Variants in CALN1 observed in about 807,000 individuals in gnomAD.
CALN1 encodes the protein calcium-binding protein 8.
Under a neutral mutation model 30.6 loss-of-function variants are expected in CALN1, and 17 were observed. The observed-to-expected ratio is 0.56, with a 90% CI of 0.38 to 0.83. The LOEUF (loss-of-function observed/expected upper bound fraction) is 0.83. CALN1 is among the 40% of genes least tolerant of loss of function. The probability of loss-of-function intolerance (pLI) is 0.00; values close to 1 mark genes in which losing one functional copy is unlikely to be tolerated. For missense variants in CALN1, 291 were observed against 354.9 expected, an observed-to-expected ratio of 0.82 and a Z score of 1.45; for synonymous variants, 156 against 131.4, an observed-to-expected ratio of 1.19 and a Z score of -1.28.
intron 4 of CALN1, among the ~76,000 whole-genome samples, chr7:72,039,058 G>C (rs992012737): frequency 2.6e-5 from 4 of 152,178 alleles, no homozygotes; most frequent in African/African-American, 9.7e-5. Flanking sequence ...CCCCTTTCCT[G>C]TAACACTATG....
In CALN1 at chr7:71,837,243, C is replaced by CAAAAAAAAA. The variant is rs55977265; in HGVS notation, c.502-26760_502-26752dup. On this transcript the variant is annotated intron_variant, in intron 5 of 6. Transcript: ENST00000395275. ...CGAAACTCCATCTCAAAAAAAAAGACAAAAAAAAAAAAAAAAAAAAAAGCC... is the reference window on the plus strand; with the variant it reads ...CGAAACTCCATCTCAAAAAAAAAGACAAAAAAAAAAAAAAAAAAAAAAAAAAAAAAAGCC... Among the ~76,000 whole-genome samples the CAAAAAAAAA allele has an allele frequency of 7.5e-4, 59 of 79,122 alleles. 1 individual carries two copies. The highest frequency in any genetic ancestry group is 1.6e-3 in the East Asian group (3 of 1,896). 51.9% of individuals were successfully genotyped at this position (79,122 alleles called of 152,430 possible).
chr7:72,430,457 G>A lies in CALN1; in HGVS notation c.-226+16585C>T, dbSNP rs186121159. Among the ~76,000 whole-genome samples, 236 of 152,072 alleles carry A rather than the reference G, an allele frequency of 1.6e-3. 1 individual carries two copies. Among genetic ancestry groups the A allele is most frequent in the African/African-American group, 4.9e-3 (202 of 41,510 alleles). ...ATTTTACAGGGAGGTTAATTACTGA[G>A]GTGGCTGTTTAGGTCACCTGCTTTA... On this transcript the variant is annotated intron_variant, in intron 1 of 6. Transcript: ENST00000395276.
chr7:71,810,900 T>C (rs951717204), intron 5 of CALN1, among the ~76,000 whole-genome samples: 1 of 151,388 alleles, frequency 6.6e-6, no homozygotes, highest in African/African-American at 2.4e-5. Flanking sequence ...ATGTATCTTT[T>C]TTTTTTTTTT....
At chr7:72,460,720 C>T in the CALN1 span, among the ~76,000 whole-genome samples, 1 of 152,110 alleles carries the variant, frequency 6.6e-6, no homozygotes, top group Non-Finnish European at 1.5e-5. Context: ...GTATACATCT[C>T]GAGTGAAGTC....
At chr7:72,311,959 A>G (rs1585444049) in intron 2 of CALN1, among the ~76,000 whole-genome samples, 2 of 152,252 alleles carry the variant, frequency 1.3e-5, no homozygotes, top group South Asian at 4.2e-4. Flanking sequence ...GGAAAACAAC[A>G]GTGGCTTCCA....
At chr7:72,045,055 C>T (rs138181780) in intron 4 of CALN1, among the ~76,000 whole-genome samples, 118 of 152,280 alleles carry the variant, frequency 7.7e-4, no homozygotes, top group East Asian at 2.5e-3. Context: ...CAACTTCTCA[C>T]GGAAGTCTCC....
chr7:72,042,958 C>G (rs1186596293), intron 4 of CALN1, among the ~76,000 whole-genome samples: 1 of 152,196 alleles, frequency 6.6e-6, no homozygotes, highest in Admixed American at 6.5e-5. Context: ...CACACCCCCA[C>G]TCTCACTCTC....
intron 3 of CALN1, among the ~76,000 whole-genome samples, chr7:72,247,292 A>G (rs1219659774): frequency 8.7e-6 from 1 of 114,724 alleles, no homozygotes; most frequent in East Asian, 3.1e-4. Context: ...TCTGTCACCC[A>G]GGCTGGAGTG....
At chr7:71,790,424 GAAGC>G (rs1554337178) in intron 6 of CALN1, among the ~76,000 whole-genome samples, 7 of 147,948 alleles carry the variant, frequency 4.7e-5, no homozygotes, top group African/African-American at 9.9e-5. Context: ...AAGAAAGAAA[GAAGC>G]AAGCAAGCAA....
At chr7:71,868,902 G>C (rs930780840) in intron 5 of CALN1, among the ~76,000 whole-genome samples, 5 of 152,210 alleles carry the variant, frequency 3.3e-5, no homozygotes, top group African/African-American at 1.2e-4. Flanking sequence ...CCTAAGAATA[G>C]AGGTTCCTGT....
At chr7:72,369,372 T>TTGTTG (rs1562927729) in intron 2 of CALN1, among the ~76,000 whole-genome samples, 2 of 141,988 alleles carry the variant, frequency 1.4e-5, no homozygotes, top group South Asian at 2.2e-4. Flanking sequence ...GTTGTTGTTG[T>TTGTTG]TTGTTTTTGA....
chr7:72,383,345 T>C (rs547709064), intron 2 of CALN1, among the ~76,000 whole-genome samples: 10 of 152,214 alleles, frequency 6.6e-5, no homozygotes, highest in Non-Finnish European at 1.5e-4. Context: ...CCAAACTGCT[T>C]TCCACAGTGG....
At chr7:71,929,126 T>C (rs1308693590) in intron 5 of CALN1, among the ~76,000 whole-genome samples, 1 of 152,204 alleles carries the variant, frequency 6.6e-6, no homozygotes, top group Non-Finnish European at 1.5e-5. Flanking sequence ...TAATATTTAT[T>C]TTTCCAACTT....
chr7:72,105,394 A>G (rs949090490), intron 4 of CALN1, among the ~76,000 whole-genome samples: 2 of 152,120 alleles, frequency 1.3e-5, no homozygotes, highest in African/African-American at 4.8e-5. Context: ...TTAGCCCAGG[A>G]GCCCAAGGCC....
chr7:72,159,963 AAAG>A (rs915809771), intron 3 of CALN1, among the ~76,000 whole-genome samples: 4 of 152,318 alleles, frequency 2.6e-5, no homozygotes, highest in Admixed American at 6.5e-5. Flanking sequence ...GGGAACACAA[AAAG>A]AAGAGCAGAT....
intron 3 of CALN1, among the ~76,000 whole-genome samples, chr7:72,260,177 AG>A (rs1272329854): frequency 2.0e-5 from 3 of 152,192 alleles, no homozygotes; most frequent in Non-Finnish European, 1.5e-5. Flanking sequence ...TCAGCCTGGG[AG>A]ACAGAGCAAG....
At chr7:72,083,299 A>G (rs988103325) in intron 4 of CALN1, among the ~76,000 whole-genome samples, 3 of 152,246 alleles carry the variant, frequency 2.0e-5, no homozygotes, top group Non-Finnish European at 2.9e-5. Context: ...AGAATTTAAA[A>G]TAAGTATGAT....
At chr7:72,305,894 A>C (rs1799613886) in intron 2 of CALN1, among the ~76,000 whole-genome samples, 1 of 152,184 alleles carries the variant, frequency 6.6e-6, no homozygotes, top group Non-Finnish European at 1.5e-5. Context: ...GGGGAGAGAC[A>C]GAAAGAGGGA....
At chr7:72,390,972 T>C (rs534017471) in intron 2 of CALN1, among the ~76,000 whole-genome samples, 10 of 152,314 alleles carry the variant, frequency 6.6e-5, no homozygotes, top group African/African-American at 2.4e-4. Context: ...ACCCTTAAAA[T>C]ATATTTTTTT....
Sources: allele counts gnomAD v4.1 joint callset (sites outside exome capture counted in the v4.1 genomes callset), GRCh38; gene constraint gnomAD v4.1.1; transcripts MANE v1.5; gene names NCBI Gene and HGNC (gene_info 2026-07-23, HGNC 2026-07-21).